The following PDE1A variants were observed in gnomAD, a reference collection of about 807,000 sequenced individuals.
PDE1A encodes phosphodiesterase 1A.
A neutral mutation model predicts 61.7 loss-of-function variants in PDE1A; 35 were observed. That is an observed-to-expected ratio of 0.57 (90% CI 0.43 to 0.75). The LOEUF is 0.75. PDE1A is among the 30% of genes least tolerant of loss of function. The pLI is 0.00. For missense variants in PDE1A, 597 were observed against 630.6 expected, an observed-to-expected ratio of 0.95 and a Z score of 0.57; for synonymous variants, 232 against 213.2, an observed-to-expected ratio of 1.09 and a Z score of -0.77.
At chr2:182,199,293 G>A (rs1424851181) in intron 10 of PDE1A, among the ~76,000 whole-genome samples, 2 of 151,628 alleles carry the variant, frequency 1.3e-5, no homozygotes, top group Admixed American at 1.3e-4. Context: ...GTTATTGTTT[G>A]TCTTTGTTCT....
chr2:182,353,563 A>G (rs905015969), intron 1 of PDE1A, among the ~76,000 whole-genome samples: 3 of 152,158 alleles, frequency 2.0e-5, no homozygotes, highest in Admixed American at 1.3e-4. Flanking sequence ...TCTAAGACAC[A>G]TAATTTTATA....
the PDE1A span, among the ~76,000 whole-genome samples, chr2:182,544,918 A>T: frequency 6.6e-6 from 1 of 152,228 alleles, no homozygotes; most frequent in Non-Finnish European, 1.5e-5. Context: ...GATGAGGATG[A>T]AAAGGAATAA....
chr2:182,308,130 T>C (rs542945537), intron 1 of PDE1A, among the ~76,000 whole-genome samples: 1 of 152,136 alleles, frequency 6.6e-6, no homozygotes, highest in Non-Finnish European at 1.5e-5. Flanking sequence ...GTTGACAACA[T>C]TATTCTGCAC....
intron 3 of PDE1A, among the ~76,000 whole-genome samples, chr2:182,237,144 T>G (rs1690082205): frequency 6.6e-6 from 1 of 152,192 alleles, no homozygotes; most frequent in African/African-American, 2.4e-5. Context: ...TGTAGTGGAT[T>G]ATTTGTGGAA....
At chr2:182,433,592 T>C (rs1166053145) in intron 2 of PDE1A, among the ~76,000 whole-genome samples, 2 of 152,076 alleles carry the variant, frequency 1.3e-5, no homozygotes, top group Non-Finnish European at 2.9e-5. Context: ...AATTTCCATT[T>C]AGGTTTTCAA....
chr2:182,208,028 C>T (rs1428515327), intron 7 of PDE1A, among the ~76,000 whole-genome samples: 1 of 152,192 alleles, frequency 6.6e-6, no homozygotes, highest in Non-Finnish European at 1.5e-5. Flanking sequence ...ATGGAAATGC[C>T]TGAATATCCA....
At chr2:182,274,844 T>C (rs997729601) in intron 1 of PDE1A, among the ~76,000 whole-genome samples, 6 of 152,160 alleles carry the variant, frequency 3.9e-5, no homozygotes, top group Non-Finnish European at 8.8e-5. Flanking sequence ...CTCAGAATCA[T>C]TGTAAATAAT....
chr2:182,685,210 GC>G, the PDE1A span, among the ~76,000 whole-genome samples: 1 of 151,870 alleles, frequency 6.6e-6, no homozygotes, highest in East Asian at 1.9e-4. Flanking sequence ...CAGATGGCTT[GC>G]CTGCTTTTAA....
chr2:182,285,950 G>T (rs1694130881), intron 1 of PDE1A, among the ~76,000 whole-genome samples: 1 of 152,086 alleles, frequency 6.6e-6, no homozygotes, highest in Non-Finnish European at 1.5e-5. Flanking sequence ...ATATAGGCAA[G>T]TTATTTATCC....
At chr2:182,286,172 C>T (rs1694148690) in intron 1 of PDE1A, among the ~76,000 whole-genome samples, 3 of 152,078 alleles carry the variant, frequency 2.0e-5, no homozygotes, top group Admixed American at 6.6e-5. Context: ...TCTGGGAGGG[C>T]ACTTCGAGAG....
chr2:182,249,439 A>C (rs1864854), intron 2 of PDE1A, among the ~76,000 whole-genome samples: 109,040 of 151,922 alleles, frequency 0.72, 39,918 homozygotes, highest in African/African-American at 0.87. Flanking sequence ...TTGCGGGGCA[A>C]ACCATGGGGA....
At chr2:182,642,634 C>T in the PDE1A span, among the ~76,000 whole-genome samples, 1 of 152,112 alleles carries the variant, frequency 6.6e-6, no homozygotes, top group African/African-American at 2.4e-5. Context: ...GAAGAGATGG[C>T]TCCCATCTCT....
chr2:182,468,119 G>C (rs970430602), intron 2 of PDE1A, among the ~76,000 whole-genome samples: 1 of 151,802 alleles, frequency 6.6e-6, no homozygotes, highest in African/African-American at 2.4e-5. Flanking sequence ...GAAAGTTGGG[G>C]TGGTTGTGGC....
intron 2 of PDE1A, among the ~76,000 whole-genome samples, chr2:182,469,140 C>A (rs560419954): frequency 6.6e-6 from 1 of 151,896 alleles, no homozygotes; most frequent in Non-Finnish European, 1.5e-5. Context: ...GTTACCCAGG[C>A]TTTTGAAGCT....
chr2:182,588,075 T>A, the PDE1A span, among the ~76,000 whole-genome samples: 1 of 152,218 alleles, frequency 6.6e-6, no homozygotes, highest in African/African-American at 2.4e-5. Context: ...ATGTGAAGGA[T>A]GAAAAATTGG....
chr2:182,163,691 C>T (rs1691505620), downstream of PDE1A, among the ~76,000 whole-genome samples: 1 of 152,124 alleles, frequency 6.6e-6, no homozygotes, highest in South Asian at 2.1e-4. Flanking sequence ...CCTAGTGGAC[C>T]TATTTGGATT....
intron 2 of PDE1A, among the ~76,000 whole-genome samples, chr2:182,254,914 G>A (rs905347970): frequency 2.0e-5 from 3 of 152,102 alleles, no homozygotes; most frequent in Non-Finnish European, 4.4e-5. Flanking sequence ...GATGCTTGAC[G>A]ACTGACCTTG....
At chr2:182,166,049 T>C (rs1442088813), downstream of PDE1A, among the ~76,000 whole-genome samples, 1 of 152,168 alleles carries the variant, frequency 6.6e-6, no homozygotes, top group Admixed American at 6.5e-5. Flanking sequence ...GACAGAATTA[T>C]GACCTTTTTA....
chr2:182,297,498 G>A (rs1574283719), intron 1 of PDE1A, among the ~76,000 whole-genome samples: 1 of 152,184 alleles, frequency 6.6e-6, no homozygotes, highest in African/African-American at 2.4e-5. Context: ...ACTAGACAAC[G>A]TTCCCTAAGG....
Sources: gnomAD v4.1 joint callset for allele counts (sites outside exome capture counted in the v4.1 genomes callset) on GRCh38, gnomAD v4.1.1 for gene constraint, MANE v1.5 for transcripts, NCBI Gene and HGNC (gene_info 2026-07-23, HGNC 2026-07-21) for gene names.